LAMP3: variants seen among roughly 807,000 people sequenced by gnomAD.
LAMP3 encodes the protein lysosome-associated membrane glycoprotein 3.
LAMP3 carries 26 observed loss-of-function variants against 34.8 expected under a neutral mutation model. The observed-to-expected ratio is 0.75, with a 90% CI of 0.55 to 1.04. LAMP3 has a LOEUF of 1.04. Among genes scored for constraint, LAMP3 ranks in the 50% least tolerant of loss-of-function variants. The pLI is 0.00. For synonymous variants in LAMP3, 180 were observed against 201.9 expected, an observed-to-expected ratio of 0.89 and a Z score of 0.92; for missense variants, 495 against 524.0, an observed-to-expected ratio of 0.94 and a Z score of 0.54.
intron 3 of LAMP3, among the ~76,000 whole-genome samples, chr3:183,143,951 C>T (rs905629415): frequency 3.0e-5 from 3 of 98,706 alleles, no homozygotes; most frequent in Non-Finnish European, 4.3e-5. Context: ...TGCAGACATA[C>T]GGGGGTCTGG....
At chr3:183,144,720 A>G (rs1240919427) in intron 3 of LAMP3, among the ~76,000 whole-genome samples, 1 of 152,174 alleles carries the variant, frequency 6.6e-6, no homozygotes. Context: ...TTTGAGCAAC[A>G]TAATGAAAAC....
chr3:183,150,757 T>C (rs1720606547), intron 3 of LAMP3, among the ~76,000 whole-genome samples: 1 of 152,082 alleles, frequency 6.6e-6, no homozygotes, highest in African/African-American at 2.4e-5. Flanking sequence ...AGACAGGGTC[T>C]TGCTATATAT....
chr3:183,159,806 A>G (rs1212439426), intron 1 of LAMP3, among the ~76,000 whole-genome samples: 1 of 152,228 alleles, frequency 6.6e-6, no homozygotes, highest in Non-Finnish European at 1.5e-5. Context: ...AGTTTTAGCA[A>G]AAGAAGGGAA....
chr3:183,152,329 G>C, intron 3 of LAMP3, 46 bp downstream of exon 3: 1 of 1,539,092 alleles, frequency 6.5e-7, no homozygotes, highest in Non-Finnish European at 8.7e-7. Flanking sequence ...GAGGGAGAGG[G>C]AAAGCTGTAC....
chr3:183,153,933 C>T lies in LAMP3; in HGVS notation c.508G>A (p.Ala170Thr). 1 of 1,614,116 alleles carries T rather than the reference C, an allele frequency of 6.2e-7. No individual in the cohort carries two copies. Among genetic ancestry groups the T allele is most frequent in the Non-Finnish European group, 8.5e-7 (1 of 1,180,028 alleles). ...TQPSNQTTLP[A>T]TLSIALHKST... Reference sequence around the variant, plus strand: ...TTGTGCAGTGCTATCGATAAAGTTGCTGGAAGGGTGGTCTGGTTACTGGGT... The same window carrying T: ...TTGTGCAGTGCTATCGATAAAGTTGTTGGAAGGGTGGTCTGGTTACTGGGT... Residue 170 changes from alanine (A) to threonine (T), a missense_variant, in exon 2 of 6, where the codon GCA becomes ACA. Physicochemically the swap from Ala to Thr is moderately conservative, Grantham distance 58 (BLOSUM62 0). Coordinates refer to ENST00000265598, the MANE Select transcript of LAMP3 (RefSeq NM_014398.4).
intron 3 of LAMP3, among the ~76,000 whole-genome samples, chr3:183,146,151 C>T (rs997872767): frequency 6.6e-6 from 1 of 152,074 alleles, no homozygotes; most frequent in African/African-American, 2.4e-5. Flanking sequence ...TCCTAGGAGA[C>T]ATTTGACAAT....
At chr3:183,140,722 C>A in intron 3 of LAMP3, 127 bp from the exon 4 acceptor site, 1 of 624,992 alleles carries the variant, frequency 1.6e-6, no homozygotes, top group South Asian at 2.0e-5. Context: ...TTACTTGGTA[C>A]TGGGTCATAA....
At chr3:183,154,528 T>C in intron 1 of LAMP3, 137 bp from the exon 2 acceptor site, 1 of 664,660 alleles carries the variant, frequency 1.5e-6, no homozygotes, top group South Asian at 2.0e-5. Flanking sequence ...TTTGCAAGGG[T>C]ACAACAATGA....
chr3:183,128,021 G>T (rs547400407), intron 5 of LAMP3, among the ~76,000 whole-genome samples: 2 of 151,864 alleles, frequency 1.3e-5, no homozygotes, highest in Non-Finnish European at 2.9e-5. Flanking sequence ...GGTGGCAGGC[G>T]CCTGTAGTCC....
At chr3:183,125,186 G>A (rs1196733242) in intron 5 of LAMP3, among the ~76,000 whole-genome samples, 1 of 152,154 alleles carries the variant, frequency 6.6e-6, no homozygotes, top group Admixed American at 6.6e-5. Context: ...TGAAGAGACT[G>A]GGAGAAAAGA....
chr3:183,125,867 G>T (rs947740209), intron 5 of LAMP3, among the ~76,000 whole-genome samples: 2 of 152,090 alleles, frequency 1.3e-5, no homozygotes, highest in Non-Finnish European at 2.9e-5. Context: ...TACAGATGGG[G>T]TCTTGCTATG....
chr3:183,152,429 T>C lies in LAMP3; in HGVS notation c.834A>G (p.Lys278=). The change falls in exon 3 of 6, where the codon AAA becomes AAG. Residue 278 remains lysine, a synonymous_variant. Transcript: ENST00000265598. ...TQASGNCGTR[K]SNLLLNFQGG... is the part of the protein sequence containing the mutation. ...CCTGAAAATTCAACAGAAGGTTGGA[T>C]TTTCGGGTGCCACAGTTCCCAGAGG... The C allele has an allele frequency of 6.2e-7, 1 of 1,612,792 alleles. No individual in the cohort carries two copies. Among genetic ancestry groups the C allele is most frequent in the African/African-American group, 1.3e-5 (1 of 74,910 alleles).
intron 2 of LAMP3, 44 bp from the exon 3 acceptor site, chr3:183,152,547 A>T: frequency 6.4e-7 from 1 of 1,551,512 alleles, no homozygotes. Context: ...TGTAGAGGAA[A>T]ACTCTAGCTA....
rs747943769 is a variant in LAMP3 at position 183,154,365 on chromosome 3, T to C, written c.76A>G (p.Arg26Gly). The C allele has an allele frequency of 6.2e-7, 1 of 1,601,670 alleles. No individual in the cohort carries two copies. Among genetic ancestry groups the C allele is most frequent in the Non-Finnish European group, 8.5e-7 (1 of 1,174,506 alleles). The change falls in exon 2 of 6, where the codon AGA (arginine) becomes GGA (glycine). Residue 26 changes from arginine (R) to glycine (G), a missense_variant. Physicochemically the swap from Arg to Gly is moderately radical, Grantham distance 125. Transcript: ENST00000265598. ...AVILHDGSQM[R>G]AKAFPETRDY... ...CTGGTTTCTGGAAATGCTTTTGCTC[T>C]CATTTGACTGCCATCGTGCAAAATT...
Position 183,153,879 on chromosome 3 carries a change from G to A in LAMP3, c.562C>T (p.Pro188Ser), listed in dbSNP as rs114567398. 8.1e-4 allele frequency: 1,310 copies of A among 1,613,996 alleles called. 12 individuals carry two copies. In the African/African-American group the frequency reaches 0.015, roughly 19 times the overall value. ...KSTTGQKPVQ[P>S]THAPGTTAAA... The stretch of plus-strand genomic sequence containing the variant: ...GCCGTTGTTCCTGGGGCATGGGTGG[G>A]TTGAACAGGCTTCTGACCGGTTGTG... The change falls in exon 2 of 6, where the codon CCC becomes TCC. Residue 188 changes from proline to serine, a missense_variant. Physicochemically the swap from Pro to Ser is moderately conservative, Grantham distance 74. Transcript: ENST00000265598.
chr3:183,142,943 C>T (rs754043597), intron 3 of LAMP3, among the ~76,000 whole-genome samples: 82 of 152,248 alleles, frequency 5.4e-4, no homozygotes, highest in Non-Finnish European at 2.6e-4. Flanking sequence ...CAAGAATCTG[C>T]GCTTTCTAGG....
intron 5 of LAMP3, among the ~76,000 whole-genome samples, chr3:183,130,658 G>A (rs898954154): frequency 2.0e-5 from 3 of 152,046 alleles, no homozygotes; most frequent in Non-Finnish European, 4.4e-5. Flanking sequence ...CTTTGGGTTA[G>A]ATATTTGGAT....
intron 5 of LAMP3, among the ~76,000 whole-genome samples, chr3:183,125,217 G>A (rs149901489): frequency 3.9e-5 from 6 of 152,290 alleles, no homozygotes; most frequent in Non-Finnish European, 8.8e-5. Context: ...GAAGAACCAT[G>A]TCTTAGTCAT....
Position 183,131,963 on chromosome 3 carries a change from T to A in LAMP3, c.1117+3754A>T, listed in dbSNP as rs544017097. The A allele has an allele frequency of 6.1e-5, 60 of 985,418 alleles. No homozygotes were observed. The South Asian group carries it at 2.6e-3, about 42-fold the overall frequency. 61.0% of individuals were successfully genotyped at this position (985,418 alleles called of 1,614,324 possible). ...GGTGAATGTTTGCGTAAAAGGGAAG[T>A]GAGTGATCCTCCAGGCAGGTCTACC... is the stretch of plus-strand genomic sequence containing the variant. On this transcript the variant is annotated intron_variant, in intron 5 of 5. Coordinates refer to ENST00000265598, the MANE Select transcript of LAMP3 (RefSeq NM_014398.4).
Sources: gnomAD v4.1 joint callset for allele counts (sites outside exome capture counted in the v4.1 genomes callset) on GRCh38, gnomAD v4.1.1 for gene constraint, MANE v1.5 for transcripts, NCBI Gene and HGNC (gene_info 2026-07-23, HGNC 2026-07-21) for gene names.